ARID2: variants seen among roughly 807,000 people sequenced by gnomAD.
The protein encoded by ARID2 is AT-rich interaction domain 2, also known as AT-rich interactive domain-containing protein 2.
Under a neutral mutation model 184.6 loss-of-function variants are expected in ARID2, and 32 were observed. That is an observed-to-expected ratio of 0.17 (90% confidence interval 0.13 to 0.23). The LOEUF (loss-of-function observed/expected upper bound fraction) is 0.23. ARID2 is among the 10% of genes least tolerant of loss of function. ARID2 has a pLI of 1.00. For synonymous variants in ARID2, 836 were observed against 772.6 expected (o/e 1.08, Z -1.36); for missense variants, 1,696 against 2,197.6 (o/e 0.77, Z 4.56).
intron 16 of ARID2, among the ~76,000 whole-genome samples, chr12:45,885,585 G>A (rs1450367605): frequency 6.6e-6 from 1 of 152,140 alleles, no homozygotes; most frequent in African/African-American, 2.4e-5. Flanking sequence ...TATCTGTATT[G>A]TCCATTCTTA....
intron 16 of ARID2, among the ~76,000 whole-genome samples, chr12:45,872,138 T>C (rs1390779767): frequency 1.3e-5 from 2 of 152,082 alleles, no homozygotes; most frequent in Non-Finnish European, 1.5e-5. Context: ...TTCTGCTCTT[T>C]TATTATTTTT....
intron 6 of ARID2, among the ~76,000 whole-genome samples, chr12:45,826,211 T>G (rs949532445): frequency 6.6e-6 from 1 of 152,134 alleles, no homozygotes; most frequent in Non-Finnish European, 1.5e-5. Context: ...CGTAGTTCTC[T>G]TTATCATTTT....
intron 3 of ARID2, among the ~76,000 whole-genome samples, chr12:45,760,489 G>A (rs1941654482): frequency 6.6e-6 from 1 of 151,818 alleles, no homozygotes; most frequent in Non-Finnish European, 1.5e-5. Context: ...TTTTCTGCGT[G>A]TGTGTTTTTT....
chr12:45,729,759 CTGGTAGGAAG>C lies in ARID2; in HGVS notation c.-77_-68del. The C allele has an allele frequency of 1.4e-6, 2 of 1,412,824 alleles. No individual in the cohort carries two copies. Among genetic ancestry groups the C allele is most frequent in the Non-Finnish European group, 1.9e-6 (2 of 1,028,000 alleles). 87.5% of individuals were successfully genotyped at this position (1,412,824 alleles called of 1,614,324 possible). A position where few individuals can be genotyped will look rare whatever the true frequency, so the allele number is the denominator to read the frequency against. On this transcript the variant is annotated 5_prime_UTR_variant, in exon 1 of 21. An upstream open reading frame in the 5' UTR loses its in-frame stop. Transcript: ENST00000334344. The stretch of plus-strand genomic sequence containing the variant: ...CCGGCCGAGGAATGGGCTCCGGGCT[CTGGTAGGAAG>C]CGCTGGGAGCGGGGGGCGCTTTTAA...
chr12:45,758,789 A>C (rs1941618823), intron 3 of ARID2, among the ~76,000 whole-genome samples: 1 of 152,152 alleles, frequency 6.6e-6, no homozygotes, highest in Admixed American at 6.5e-5. Context: ...GAGAAGAAGC[A>C]CTTTTTCTAA....
At position 45,905,949 on chromosome 12, in the gene ARID2, T is replaced by C. The variant is rs1944523095; in HGVS notation, c.*871T>C. Reference sequence around the variant, plus strand: ...TTTTTTTTTCTTTTTTCTTTTTTTTTTTCTTTTTTTTTTTGTATTATACAC... The same window carrying C: ...TTTTTTTTTCTTTTTTCTTTTTTTTCTTCTTTTTTTTTTTGTATTATACAC... On this transcript the variant is annotated 3_prime_UTR_variant, in exon 21 of 21. Coordinates refer to ENST00000334344, the MANE Select transcript of ARID2 (RefSeq NM_152641.4). 1 of 229,768 alleles carries C rather than the reference T, an allele frequency of 4.4e-6. No individual in the cohort carries two copies. The highest frequency in any genetic ancestry group is 2.3e-5 in the African/African-American group (1 of 43,640). 14.2% of individuals were successfully genotyped at this position (229,768 alleles called of 1,614,324 possible).
intron 20 of ARID2, among the ~76,000 whole-genome samples, chr12:45,899,726 TATATATATATGG>T (rs1944429893): frequency 6.8e-5 from 7 of 103,358 alleles, no homozygotes; most frequent in African/African-American, 2.1e-4. Flanking sequence ...TATATATGGT[TATATATATATGG>T]TTTTATATAT....
At chr12:45,804,184 T>C (rs1254851673) in intron 3 of ARID2, among the ~76,000 whole-genome samples, 3 of 152,120 alleles carry the variant, frequency 2.0e-5, no homozygotes, top group Non-Finnish European at 2.9e-5. Context: ...AGGAGTTACA[T>C]TGGAAATTCT....
At chr12:45,809,452 C>T (rs547419459) in intron 3 of ARID2, among the ~76,000 whole-genome samples, 1 of 152,180 alleles carries the variant, frequency 6.6e-6, no homozygotes, top group South Asian at 2.1e-4. Flanking sequence ...ATTCATTTAC[C>T]TACTTAAGTT....
intron 3 of ARID2, among the ~76,000 whole-genome samples, chr12:45,749,516 A>G (rs986858472): frequency 3.3e-5 from 5 of 152,220 alleles, no homozygotes; most frequent in African/African-American, 1.2e-4. Flanking sequence ...TTAGCCCCTA[A>G]CAAAAGAGTC....
chr12:45,763,842 C>T (rs777617276), intron 3 of ARID2, among the ~76,000 whole-genome samples: 5 of 151,888 alleles, frequency 3.3e-5, no homozygotes, highest in African/African-American at 4.8e-5. Context: ...ATTTTTATAT[C>T]GTTAATGGTT....
rs563975068 is a variant in ARID2 at position 45,855,874 on chromosome 12, C to T, written c.4773+2978C>T. On this transcript the variant is annotated intron_variant, in intron 15 of 20. Transcript: ENST00000334344. ...TAGCTGGGAGCACAGGCATGTACTG[C>T]CATGCCCAGCTAATTTGTTTTATGT... Among the ~76,000 whole-genome samples the T allele has an allele frequency of 1.1e-4, 17 of 152,046 alleles. No individual in the cohort carries two copies. In the East Asian group the frequency reaches 3.1e-3, roughly 28 times the overall value.
In ARID2 at chr12:45,906,383, C is replaced by G. The variant is rs1222932916; in HGVS notation, c.*1305C>G. 8.6e-6 allele frequency: 2 copies of G among 233,038 alleles called. No individual in the cohort carries two copies. The highest frequency in any genetic ancestry group is 1.7e-5 in the Non-Finnish European group (2 of 117,800). 14.4% of individuals were successfully genotyped at this position (233,038 alleles called of 1,614,324 possible). A position where few individuals can be genotyped will look rare whatever the true frequency, so the allele number is the denominator to read the frequency against. On this transcript the variant is annotated 3_prime_UTR_variant, in exon 21 of 21. Coordinates refer to ENST00000334344, the MANE Select transcript of ARID2 (RefSeq NM_152641.4). Reference sequence around the variant, plus strand: ...CATTTATAACTGCCTATTGCCTGTTCTATTAGCATCCAAAAATGTGGAAGG... The same window carrying G: ...CATTTATAACTGCCTATTGCCTGTTGTATTAGCATCCAAAAATGTGGAAGG...
rs1165687093 is a variant in ARID2 at position 45,864,522 on chromosome 12, GA to G, written c.4922+3585del. Among the ~76,000 whole-genome samples, 278 of 136,058 alleles carry G rather than the reference GA, an allele frequency of 2.0e-3. 1 individual carries two copies. The highest frequency in any genetic ancestry group is 6.3e-3 in the African/African-American group (231 of 36,730). The allele number at this position is 136,058 out of a possible 152,430, so 89.3% of individuals were successfully genotyped here. On this transcript the variant is annotated intron_variant, in intron 16 of 20. Coordinates refer to ENST00000334344, the MANE Select transcript of ARID2 (RefSeq NM_152641.4). Reference sequence around the variant, plus strand: ...TTTTTTTTCTTTGCAAGTTTTTGTTGAAAAAAAAAAAACAGGTTAATTTGTC... The same window carrying G: ...TTTTTTTTCTTTGCAAGTTTTTGTTGAAAAAAAAAAACAGGTTAATTTGTC...
chr12:45,783,348 G>A (rs747755476), intron 3 of ARID2, among the ~76,000 whole-genome samples: 10 of 152,068 alleles, frequency 6.6e-5, no homozygotes, highest in Non-Finnish European at 1.2e-4. Context: ...AACATGTAGG[G>A]GGTTATGTTA....
intron 3 of ARID2, among the ~76,000 whole-genome samples, chr12:45,745,192 C>G (rs1565580017): frequency 6.6e-6 from 1 of 152,168 alleles, no homozygotes; most frequent in South Asian, 2.1e-4. Context: ...CTTTCAGCAC[C>G]TGAAAATTTA....
At chr12:45,743,100 TC>T (rs1941292688) in intron 3 of ARID2, among the ~76,000 whole-genome samples, 1 of 151,858 alleles carries the variant, frequency 6.6e-6, no homozygotes, top group Non-Finnish European at 1.5e-5. Context: ...ATGCCTGTAA[TC>T]CCAGCACTTT....
chr12:45,892,124 G>T (rs1258400675), intron 18 of ARID2, 28 bp downstream of exon 18: 10 of 1,595,430 alleles, frequency 6.3e-6, no homozygotes, highest in Non-Finnish European at 8.5e-6. Context: ...ACTTCCTGTT[G>T]TACATACAAA....
chr12:45,842,060 C>A (rs1182985313), intron 11 of ARID2: 1 of 148,996 alleles, frequency 6.7e-6, no homozygotes, highest in Admixed American at 6.6e-5. Flanking sequence ...GAGTTTGAGA[C>A]CAGCCTGGCA....
Sources: allele counts gnomAD v4.1 joint callset (sites outside exome capture counted in the v4.1 genomes callset), GRCh38; gene constraint gnomAD v4.1.1; transcripts MANE v1.5; gene names NCBI Gene and HGNC (gene_info 2026-07-23, HGNC 2026-07-21).